Variants in ADNP observed in about 807,000 individuals in gnomAD.
ADNP encodes activity-dependent neuroprotector homeobox protein.
A neutral mutation model predicts 84.9 loss-of-function variants in ADNP; 4 were observed. That is an observed-to-expected ratio of 0.05 (90% CI 0.02 to 0.11). The LOEUF is 0.11. ADNP is among the 10% of genes least tolerant of loss of function. The pLI is 1.00. For missense variants in ADNP, 1,132 were observed against 1,326.0 expected (o/e 0.85, Z 2.27); for synonymous variants, 554 against 468.1 (o/e 1.18, Z -2.37).
chr20:50,910,443 A>G (rs1982920054), intron 2 of ADNP, among the ~76,000 whole-genome samples: 1 of 152,166 alleles, frequency 6.6e-6, no homozygotes, highest in African/African-American at 2.4e-5. Context: ...TGTTTCTATA[A>G]GAAAGCATGG....
At position 50,904,016 on chromosome 20, in the gene ADNP, AATT is replaced by A; in HGVS notation, c.-5-18_-5-16del. 2 of 1,595,242 alleles carry A rather than the reference AATT, an allele frequency of 1.3e-6. No homozygotes were observed. Among genetic ancestry groups the A allele is most frequent in the Non-Finnish European group, 1.7e-6 (2 of 1,166,026 alleles). ...GAACATAGTTTCTATTGGAAAAAAA[AATT>A]TAAGTCAAAGTCAAAACACGTACAA... On this transcript the variant is annotated splice_polypyrimidine_tract_variant and intron_variant, in intron 3 of 5. Transcript: ENST00000621696.
At position 50,892,340 on chromosome 20, in the gene ADNP, T is replaced by G; in HGVS notation, c.2374A>C (p.Ser792Arg). Residue 792 changes from serine (S) to arginine (R), a missense_variant, in exon 6 of 6, where the codon AGT becomes CGT. Around this residue, in one of 10 missense-constraint regions of ADNP, gnomAD observed 41 missense variants for 78.4 expected, o/e 0.52. Coordinates refer to ENST00000621696, the MANE Select transcript of ADNP (RefSeq NM_001282531.3). ...TRREIEKLAA[S>R]LWLWKSDIAS... ...ATGTCACTCTTCCATAACCATAAAC[T>G]GGCTGCTAGCTTCTCAATTTCTCTC... The G allele has an allele frequency of 3.1e-6, 5 of 1,614,234 alleles. No individual in the cohort carries two copies. Among genetic ancestry groups the G allele is most frequent in the Non-Finnish European group, 3.4e-6 (4 of 1,180,042 alleles).
At chr20:50,899,213 T>G (rs1568718213) in intron 5 of ADNP, among the ~76,000 whole-genome samples, 1 of 146,534 alleles carries the variant, frequency 6.8e-6, no homozygotes, top group South Asian at 2.1e-4. Context: ...TTTTTTTTTT[T>G]GAGATGAAGT....
intron 2 of ADNP, among the ~76,000 whole-genome samples, chr20:50,920,717 A>T (rs546242918): frequency 1.3e-5 from 2 of 152,270 alleles, no homozygotes; most frequent in African/African-American, 4.8e-5. Flanking sequence ...ATAATAGGAT[A>T]CTGGGGTAAG....
chr20:50,895,780 C>T (rs6091234), intron 5 of ADNP, among the ~76,000 whole-genome samples: 13,907 of 152,236 alleles, frequency 0.091, 687 homozygotes, highest in African/African-American at 0.13. Flanking sequence ...GCAATCCTCC[C>T]GCTTTGGCTT....
intron 5 of ADNP, among the ~76,000 whole-genome samples, chr20:50,896,101 T>C (rs1421332248): frequency 6.6e-6 from 1 of 151,896 alleles, no homozygotes; most frequent in Non-Finnish European, 1.5e-5. Context: ...GGCAGGCACC[T>C]GTAATCCCAG....
intron 5 of ADNP, among the ~76,000 whole-genome samples, chr20:50,898,930 T>C (rs188233780): frequency 3.1e-4 from 47 of 152,344 alleles, no homozygotes; most frequent in Admixed American, 1.0e-3. Context: ...GTTTTCTGTC[T>C]AGTACAGACT....
intron 1 of ADNP, 45 bp downstream of exon 1, chr20:50,930,781 G>A (rs910661235): frequency 5.3e-5 from 8 of 149,936 alleles, no homozygotes; most frequent in Admixed American, 2.7e-4. Flanking sequence ...CGGGAAGCCA[G>A]GCAGGGCAGG....
Position 50,889,807 on chromosome 20 carries a change from C to T in ADNP, c.*1598G>A. The T allele has an allele frequency of 2.5e-6, 1 of 398,442 alleles. No individual in the cohort carries two copies. The allele number at this position is 398,442 out of a possible 1,614,324, so 24.7% of individuals were successfully genotyped here. A position where few individuals can be genotyped will look rare whatever the true frequency, so the allele number is the denominator to read the frequency against. On this transcript the variant is annotated 3_prime_UTR_variant, in exon 6 of 6. Coordinates refer to ENST00000621696, the MANE Select transcript of ADNP (RefSeq NM_001282531.3). The stretch of plus-strand genomic sequence containing the variant: ...TGGGAATCTACGCATGGTAAAAATA[C>T]CAGCTCCTTCCATCTTTACAGCCCT...
chr20:50,921,959 C>T (rs2122979266), intron 2 of ADNP, among the ~76,000 whole-genome samples: 1 of 152,310 alleles, frequency 6.6e-6, no homozygotes, highest in South Asian at 2.1e-4. Context: ...GGCAGGGACA[C>T]AGCATAAAGA....
At chr20:50,922,793 G>A (rs752954896) in intron 2 of ADNP, among the ~76,000 whole-genome samples, 1 of 152,010 alleles carries the variant, frequency 6.6e-6, no homozygotes, top group Non-Finnish European at 1.5e-5. Flanking sequence ...ACGATGGCCA[G>A]GCTGGTCTCA....
chr20:50,913,753 T>C lies in ADNP; in HGVS notation c.-89-8904A>G, dbSNP rs536742535. 260 of 417,490 alleles carry C rather than the reference T, an allele frequency of 6.2e-4. 1 individual carries two copies. The highest frequency in any genetic ancestry group is 1.0e-3 in the Non-Finnish European group (219 of 218,900). 25.9% of individuals were successfully genotyped at this position (417,490 alleles called of 1,614,324 possible). A position where few individuals can be genotyped will look rare whatever the true frequency, so the allele number is the denominator to read the frequency against. On this transcript the variant is annotated intron_variant, in intron 2 of 5. Transcript: ENST00000621696. ...ACAGACGGGTGTGTGTCTAAACTTA[T>C]GGTCTGCAACTTGGCCTACAGAGGG...
At position 50,891,487 on chromosome 20, in the gene ADNP, T is replaced by C; in HGVS notation, c.3227A>G (p.Gln1076Arg). The C allele has an allele frequency of 1.2e-6, 2 of 1,612,616 alleles. No individual in the cohort carries two copies. The highest frequency in any genetic ancestry group is 1.7e-6 in the Non-Finnish European group (2 of 1,180,020). Reference protein sequence around the residue: ...NSTIDSEDGEQFDNMTDGVAE... With the variant: ...NSTIDSEDGERFDNMTDGVAE... ...TACTCCATCAGTCATGTTGTCAAAC[T>C]GTTCCCCATCCTCACTGTCAATTGT... Residue 1076 changes from glutamine to arginine, a missense_variant, in exon 6 of 6, where the codon CAG becomes CGG. This residue lies in a region of ADNP where 381 missense variants were observed against 319.9 expected (regional missense o/e 1.19). Transcript: ENST00000621696.
At chr20:50,897,365 G>GGAAC (rs1391447737) in intron 5 of ADNP, among the ~76,000 whole-genome samples, 1 of 152,046 alleles carries the variant, frequency 6.6e-6, no homozygotes, top group East Asian at 1.9e-4. Context: ...CACCTATGCG[G>GGAAC]GAACTTGTTC....
chr20:50,910,608 G>A (rs1012874512), intron 2 of ADNP, among the ~76,000 whole-genome samples: 3 of 152,078 alleles, frequency 2.0e-5, no homozygotes, highest in Non-Finnish European at 2.9e-5. Flanking sequence ...AGAGTAACTA[G>A]CTTTTTGGTA....
In ADNP at chr20:50,893,789, T is replaced by C. The variant is rs761458117; in HGVS notation, c.925A>G (p.Ile309Val). The change falls in exon 6 of 6, where the codon ATA becomes GTA. Residue 309 changes from isoleucine to valine, a missense_variant. Physicochemically the swap from Ile to Val is conservative, Grantham distance 29. Coordinates refer to ENST00000621696, the MANE Select transcript of ADNP (RefSeq NM_001282531.3). This position sits in a 1 kb window ranked among gnomAD's most constrained non-coding sequence, Gnocchi z 4.4. ...GTAGAATTTAAGTTAGGCTTTGGTA[T>C]TGAGAGTCGATTCACCATCTGCTGT... The part of the protein sequence containing the change: ...PSQQMVNRLS[I>V]PKPNLNSTGV... 2.2e-5 allele frequency: 36 copies of C among 1,614,124 alleles called. No homozygotes were observed. Among genetic ancestry groups the C allele is most frequent in the Middle Eastern group, 1.6e-4 (1 of 6,084 alleles).
In ADNP at chr20:50,918,487, A is replaced by C. The variant is rs1291362735; in HGVS notation, c.-90+10164T>G. ...GAACCTAGGTGGCCCCAAAACCTTT[A>C]AGTACTTAAAGAAAAAAAAATGGTA... On this transcript the variant is annotated intron_variant, in intron 2 of 5. Transcript: ENST00000621696. Among the ~76,000 whole-genome samples the C allele has an allele frequency of 2.0e-5, 3 of 152,312 alleles. No homozygotes were observed. The East Asian group carries it at 5.8e-4, about 29-fold the overall frequency.
Position 50,892,078 on chromosome 20 carries a change from A to C in ADNP, c.2636T>G (p.Phe879Cys). The change falls in exon 6 of 6, where the codon TTT (phenylalanine) becomes TGT (cysteine). Residue 879 changes from phenylalanine (F) to cysteine (C), a missense_variant. This residue lies in a region of ADNP where 381 missense variants were observed against 319.9 expected (regional missense o/e 1.19). Transcript: ENST00000621696. Reference sequence around the variant, plus strand: ...ATTGGATTCTTCTTCCAAATTTTCAAAACTGTCTGAGGAACTGTCATCTTC... The same window carrying C: ...ATTGGATTCTTCTTCCAAATTTTCACAACTGTCTGAGGAACTGTCATCTTC... The part of the protein sequence containing the change: ...GKEDDSSSDS[F>C]ENLEEESNES... 1.9e-6 allele frequency: 3 copies of C among 1,614,094 alleles called. No individual in the cohort carries two copies. The highest frequency in any genetic ancestry group is 1.1e-5 in the South Asian group (1 of 91,074).
At chr20:50,917,748 A>G (rs1983624783) in intron 2 of ADNP, among the ~76,000 whole-genome samples, 1 of 152,226 alleles carries the variant, frequency 6.6e-6, no homozygotes, top group Non-Finnish European at 1.5e-5. Flanking sequence ...ACAGGACCAC[A>G]CATAAACTCG....
Sources: gnomAD v4.1 joint callset for allele counts (sites outside exome capture counted in the v4.1 genomes callset) on GRCh38, gnomAD v4.1.1 for gene constraint, gnomAD v4.1.1 regional missense constraint, Gnocchi (gnomAD v3.1) non-coding constraint, MANE v1.5 for transcripts, NCBI Gene and HGNC (gene_info 2026-07-23, HGNC 2026-07-21) for gene names.